Variants in STK31 observed in about 807,000 individuals in gnomAD.
The protein encoded by STK31 is serine/threonine-protein kinase 31.
Under a neutral mutation model 129.7 loss-of-function variants are expected in STK31, and 89 were observed. The observed-to-expected ratio is 0.69, with a 90% CI of 0.58 to 0.82. The LOEUF is 0.82. Among genes scored for constraint, STK31 ranks in the 40% least tolerant of loss-of-function variants. STK31 has a pLI of 0.00. For synonymous variants in STK31, 448 were observed against 395.3 expected (o/e 1.13, Z -1.58); for missense variants, 1,187 against 1,176.4 (o/e 1.01, Z -0.13).
rs1562623508 is a variant in STK31, at chr7:23,810,761, T to TAATATATAAATATATATTATATATA, written c.2761-4369_2761-4345dup. Reference sequence around the variant, plus strand: ...ATATAAAATAGATATATATAATATATAATATATAAATATATATTATATATA... The same window carrying TAATATATAAATATATATTATATATA: ...ATATAAAATAGATATATATAATATATAATATATAAATATATATTATATATAAATATATAAATATATATTATATATA... On this transcript the variant is annotated intron_variant, in intron 22 of 23. Transcript: ENST00000355870. Among the ~76,000 whole-genome samples the TAATATATAAATATATATTATATATA allele has an allele frequency of 4.6e-5, 6 of 131,178 alleles. No homozygotes were observed. The East Asian group carries it at 7.9e-4, about 17-fold the overall frequency. 86.1% of individuals were successfully genotyped at this position (131,178 alleles called of 152,430 possible). A position where few individuals can be genotyped will look rare whatever the true frequency, so the allele number is the denominator to read the frequency against.
chr7:23,735,748 G>A lies in STK31; in HGVS notation c.694G>A (p.Val232Ile). Residue 232 changes from valine (V) to isoleucine (I), a missense_variant, in exon 7 of 24, where the codon GTT becomes ATT. Physicochemically the swap from Val to Ile is conservative, Grantham distance 29. This residue lies in a region of STK31 where 975 missense variants were observed against 934.9 expected (regional missense o/e 1.04). Coordinates refer to ENST00000355870, the MANE Select transcript of STK31 (RefSeq NM_031414.5). Reference protein sequence around the residue: ...EEKKLDPGQLVLRNLKSPIPL... With the variant: ...EEKKLDPGQLILRNLKSPIPL... ...AAAAAAATTGGATCCTGGTCAACTTGTTCTCAGGAACCTCAAAAGCCCCAT... is the reference window on the plus strand; with the variant it reads ...AAAAAAATTGGATCCTGGTCAACTTATTCTCAGGAACCTCAAAAGCCCCAT... 1 of 1,614,114 alleles carries A rather than the reference G, an allele frequency of 6.2e-7. No individual in the cohort carries two copies. Among genetic ancestry groups the A allele is most frequent in the Non-Finnish European group, 8.5e-7 (1 of 1,180,036 alleles).
chr7:23,813,705 A>G (rs890378360), intron 22 of STK31, among the ~76,000 whole-genome samples: 3 of 152,134 alleles, frequency 2.0e-5, no homozygotes, highest in African/African-American at 7.2e-5. Context: ...TCAAGGCTGA[A>G]CTGCCTGGTG....
chr7:23,733,802 C>G lies in STK31; in HGVS notation c.484-1736C>G, dbSNP rs1158830099. ...CCCACCTGGGCGACAAAGCCAGACT[C>G]CATTCAAAAAATAAAAAAATAAAAA... On this transcript the variant is annotated intron_variant, in intron 6 of 23. Transcript: ENST00000355870. Among the ~76,000 whole-genome samples the G allele has an allele frequency of 4.6e-5, 7 of 151,306 alleles. No homozygotes were observed. The South Asian group carries it at 1.5e-3, about 32-fold the overall frequency.
At chr7:23,830,616 G>GTGTGTT (rs1562642101) in intron 23 of STK31, among the ~76,000 whole-genome samples, 1 of 150,098 alleles carries the variant, frequency 6.7e-6, no homozygotes, top group Non-Finnish European at 1.5e-5. Context: ...GTGTGTGTGT[G>GTGTGTT]TGTGTGTGTG....
intron 23 of STK31, among the ~76,000 whole-genome samples, chr7:23,819,771 T>C (rs1793690927): frequency 1.4e-5 from 2 of 138,404 alleles, no homozygotes; most frequent in East Asian, 2.1e-4. Context: ...AAAGGTATAC[T>C]AAGGTGTCAA....
chr7:23,827,288 G>A (rs1794221166), intron 23 of STK31, among the ~76,000 whole-genome samples: 2 of 152,156 alleles, frequency 1.3e-5, no homozygotes, highest in Admixed American at 6.5e-5. Flanking sequence ...TGGAGGCTTT[G>A]TTCATTTCTT....
At chr7:23,827,415 A>G (rs777228884) in intron 23 of STK31, among the ~76,000 whole-genome samples, 2 of 151,520 alleles carry the variant, frequency 1.3e-5, no homozygotes, top group Non-Finnish European at 2.9e-5. Context: ...TGCATTCGTC[A>G]TGTATTTCTC....
chr7:23,824,963 G>C (rs1011192264), intron 23 of STK31, among the ~76,000 whole-genome samples: 2 of 152,080 alleles, frequency 1.3e-5, no homozygotes, highest in African/African-American at 2.4e-5. Context: ...TGATCATGGT[G>C]GGTAAGCTTT....
Position 23,764,967 on chromosome 7 carries a change from A to AT in STK31, c.1416+2044_1416+2045insT, listed in dbSNP as rs70956919. Among the ~76,000 whole-genome samples, 229 of 150,390 alleles carry AT rather than the reference A, an allele frequency of 1.5e-3. 9 individuals are homozygous for AT. The highest frequency in any genetic ancestry group is 1.7e-3 in the Admixed American group (26 of 15,130). ...TTTCACTTAGATTTTAAAAAATAAA[A>AT]ATTTTTTTGTTTGCCTTTTAAGTTC... On this transcript the variant is annotated intron_variant, in intron 11 of 23. Transcript: ENST00000355870.
intron 1 of STK31, among the ~76,000 whole-genome samples, chr7:23,711,533 T>C (rs186453287): frequency 3.2e-4 from 48 of 152,250 alleles, no homozygotes; most frequent in African/African-American, 1.1e-3. Context: ...TTACATAGTG[T>C]ACATTTATTT....
At chr7:23,788,643 A>G (rs1337050569) in intron 21 of STK31, among the ~76,000 whole-genome samples, 1 of 152,188 alleles carries the variant, frequency 6.6e-6, no homozygotes, top group East Asian at 1.9e-4. Flanking sequence ...TAGCAAAATC[A>G]CACAATTTAA....
chr7:23,750,067 T>TCCTCCTCCCCC (rs1554287953), intron 8 of STK31, among the ~76,000 whole-genome samples: 1 of 90,556 alleles, frequency 1.1e-5, no homozygotes, highest in Non-Finnish European at 2.3e-5. Flanking sequence ...ATGGTTTGTT[T>TCCTCCTCCCCC]CCCCCCCCGC....
intron 10 of STK31, among the ~76,000 whole-genome samples, chr7:23,759,421 A>G (rs1309364127): frequency 1.3e-5 from 2 of 152,208 alleles, no homozygotes; most frequent in Non-Finnish European, 2.9e-5. Flanking sequence ...TGAAATCATA[A>G]CAAACAGTCT....
intron 22 of STK31, among the ~76,000 whole-genome samples, chr7:23,801,973 T>C (rs924530188): frequency 1.3e-5 from 2 of 152,366 alleles, no homozygotes; most frequent in East Asian, 3.9e-4. Flanking sequence ...AGTATGATTC[T>C]TTTTCAGATT....
At chr7:23,829,563 A>C (rs1040172249) in intron 23 of STK31, among the ~76,000 whole-genome samples, 9 of 152,194 alleles carry the variant, frequency 5.9e-5, no homozygotes, top group Non-Finnish European at 1.3e-4. Context: ...ATCTGTGTTC[A>C]TCAGGGATAC....
intron 22 of STK31, among the ~76,000 whole-genome samples, chr7:23,798,749 G>A (rs933010583): frequency 6.6e-6 from 1 of 152,124 alleles, no homozygotes; most frequent in African/African-American, 2.4e-5. Flanking sequence ...GTTCTGATCA[G>A]GGCAATCAGG....
At chr7:23,794,957 A>G (rs181921139) in intron 22 of STK31, among the ~76,000 whole-genome samples, 12 of 152,382 alleles carry the variant, frequency 7.9e-5, no homozygotes, top group African/African-American at 2.4e-4. Context: ...GAAGCAGAGC[A>G]TAAAAGTTAG....
rs575505577 is a variant in STK31, at chr7:23,771,344, A to G, written c.1833+220A>G. On this transcript the variant is annotated intron_variant, in intron 14 of 23. Coordinates refer to ENST00000355870, the MANE Select transcript of STK31 (RefSeq NM_031414.5). ...CATGAGAACCACAATTTTTAACATCATTTTCTTTTTGCCTGTATGAGTCTA... is the reference window on the plus strand; with the variant it reads ...CATGAGAACCACAATTTTTAACATCGTTTTCTTTTTGCCTGTATGAGTCTA... The G allele has an allele frequency of 1.2e-5, 4 of 336,206 alleles. No homozygotes were observed. In the South Asian group the frequency reaches 2.2e-4, roughly 19 times the overall value. The allele number at this position is 336,206 out of a possible 1,614,324, so 20.8% of individuals were successfully genotyped here.
At position 23,802,394 on chromosome 7, in the gene STK31, T is replaced by A. The variant is rs909525697; in HGVS notation, c.2760+11448T>A. On this transcript the variant is annotated intron_variant, in intron 22 of 23. Coordinates refer to ENST00000355870, the MANE Select transcript of STK31 (RefSeq NM_031414.5). ...ATTGGGGTTTGTTTATCCAGCAAGG[T>A]CTGATAAGTGAAGTCTGCTGGCTTC... Among the ~76,000 whole-genome samples, 51 of 152,152 alleles carry A rather than the reference T, an allele frequency of 3.4e-4. 1 individual carries two copies. Among genetic ancestry groups the A allele is most frequent in the Non-Finnish European group, 2.5e-4 (17 of 68,034 alleles).
Sources: allele counts gnomAD v4.1 joint callset (sites outside exome capture counted in the v4.1 genomes callset), GRCh38; gene constraint gnomAD v4.1.1; regional missense constraint gnomAD v4.1.1; transcripts MANE v1.5; gene names NCBI Gene and HGNC (gene_info 2026-07-23, HGNC 2026-07-21).